The following ZDHHC9 variants were observed in gnomAD, a reference collection of about 807,000 sequenced individuals.
The protein encoded by ZDHHC9 is palmitoyltransferase ZDHHC9.
ZDHHC9 carries 3 observed loss-of-function variants against 26.6 expected under a neutral mutation model. The ratio of observed to expected loss-of-function variants is 0.11; its 90% CI spans 0.05 to 0.29. The LOEUF is 0.29. Among genes scored for constraint, ZDHHC9 ranks in the 10% least tolerant of loss-of-function variants. ZDHHC9 has a pLI of 1.00. For synonymous variants in ZDHHC9, 111 were observed against 109.4 expected (o/e 1.01, Z -0.09); for missense variants, 146 against 296.4 (o/e 0.49, Z 3.73).
At chrX:129,811,084 G>T in intron 9 of ZDHHC9, 83 bp from the exon 10 acceptor site, 1 of 853,761 alleles carries the variant, frequency 1.2e-6, no homozygotes, top group South Asian at 2.1e-5. Flanking sequence ...TGCATAGACT[G>T]GAAAATATAA....
In ZDHHC9 at chrX:129,843,783, C is replaced by T. The variant is rs1432856427; in HGVS notation, c.-291G>A. 9.1e-6 allele frequency: 1 copy of T among 109,569 alleles called. No individual in the cohort carries two copies. The highest frequency in any genetic ancestry group is 1.9e-5 in the Non-Finnish European group (1 of 52,393). 9.0% of individuals were successfully genotyped at this position (109,569 alleles called of 1,213,427 possible). ...TCACGTCGGCAGCCAAAGGTGGCAG[C>T]GACTTGTCCTCCCCGGGCCGGGAGG... On this transcript the variant is annotated 5_prime_UTR_variant, in exon 1 of 11. Coordinates refer to ENST00000357166, the MANE Select transcript of ZDHHC9 (RefSeq NM_016032.4).
chrX:129,825,643 G>A (rs1927999792), intron 4 of ZDHHC9, among the ~76,000 whole-genome samples: 2 of 111,169 alleles, frequency 1.8e-5, no homozygotes, highest in African/African-American at 3.3e-5. Flanking sequence ...ACAGAGAAAA[G>A]CTTAAATCTC....
At chrX:129,841,606 G>A (rs1928382681) in intron 3 of ZDHHC9, among the ~76,000 whole-genome samples, 173 bp downstream of exon 3, 1 of 111,851 alleles carries the variant, frequency 8.9e-6, no homozygotes. Context: ...TTTTTAGGAA[G>A]TACATACTCT....
In ZDHHC9 at chrX:129,806,453, G is replaced by A; in HGVS notation, c.1012C>T (p.Pro338Ser). 8.3e-7 allele frequency: 1 copy of A among 1,211,565 alleles called. No homozygotes were observed. Among genetic ancestry groups the A allele is most frequent in the African/African-American group, 1.7e-5 (1 of 57,748 alleles). ...TCTTCGGGAGTGCTGCTGTCCTCCG[G>A]CATCTCATTTGAGTTCAGGTGTTCT... Reference protein sequence around the residue: ...PTEHLNSNEMPEDSSTPEEMP... With the variant: ...PTEHLNSNEMSEDSSTPEEMP... Residue 338 changes from proline (P) to serine (S), a missense_variant, in exon 11 of 11, where the codon CCG becomes TCG. Physicochemically the swap from Pro to Ser is moderately conservative, Grantham distance 74. Around this residue, in one of 2 missense-constraint regions of ZDHHC9, gnomAD observed 46 missense variants for 46.4 expected, o/e 0.99. Transcript: ENST00000357166.
At chrX:129,820,006 A>G (rs1273492233) in intron 5 of ZDHHC9, among the ~76,000 whole-genome samples, 1 of 111,010 alleles carries the variant, frequency 9.0e-6, no homozygotes, top group Non-Finnish European at 1.9e-5. Context: ...TCTATAATTT[A>G]TTTGGCTACT....
chrX:129,809,988 C>CAA (rs55755290), intron 10 of ZDHHC9, among the ~76,000 whole-genome samples: 738 of 58,275 alleles, frequency 0.013, 11 homozygotes, highest in African/African-American at 0.023. Flanking sequence ...GACTCCGTCT[C>CAA]AAAAAAAAAA....
chrX:129,829,498 C>T (rs1440557562), intron 3 of ZDHHC9, among the ~76,000 whole-genome samples: 1 of 112,019 alleles, frequency 8.9e-6, no homozygotes, highest in Non-Finnish European at 1.9e-5. Context: ...TTCTAAGCAA[C>T]ACAGGTTGAT....
At chrX:129,834,209 G>A (rs1928209052) in intron 3 of ZDHHC9, among the ~76,000 whole-genome samples, 1 of 111,562 alleles carries the variant, frequency 9.0e-6, no homozygotes, top group Non-Finnish European at 1.9e-5. Flanking sequence ...CAAACCTGCA[G>A]GCATCTTGAT....
chrX:129,830,560 G>T (rs1225223393), intron 3 of ZDHHC9, among the ~76,000 whole-genome samples: 2 of 111,867 alleles, frequency 1.8e-5, no homozygotes, highest in Non-Finnish European at 3.8e-5. Flanking sequence ...TGTAAGGAGA[G>T]TTATCGCTGA....
intron 5 of ZDHHC9, among the ~76,000 whole-genome samples, chrX:129,821,296 C>CTTTTT (rs748605366): frequency 1.0e-5 from 1 of 99,390 alleles, no homozygotes; most frequent in African/African-American, 3.7e-5. Flanking sequence ...AGACCTTCTT[C>CTTTTT]TTTTTTTTTT....
intron 9 of ZDHHC9, 63 bp from the exon 10 acceptor site, chrX:129,811,064 G>A (rs761547154): frequency 1.2e-5 from 12 of 1,011,071 alleles, no homozygotes; most frequent in African/African-American, 3.8e-5. Flanking sequence ...CCTGGCCTAC[G>A]GAATTTTGCT....
rs1928444177 is a variant in ZDHHC9 at position 129,843,844 on chromosome X, G to A, written c.-352C>T. ...CTGACAAGGGGCCCCAGTGGTCGGG[G>A]CCCTAAACCAGCTGTGGCAACCGCC... On this transcript the variant is annotated 5_prime_UTR_variant, in exon 1 of 11. Transcript: ENST00000357166. 8.9e-6 allele frequency: 1 copy of A among 111,971 alleles called. No individual in the cohort carries two copies. The highest frequency in any genetic ancestry group is 1.9e-5 in the Non-Finnish European group (1 of 53,067). The allele number at this position is 111,971 out of a possible 1,213,427, so 9.2% of individuals were successfully genotyped here.
At chrX:129,832,713 G>A (rs1005468326) in intron 3 of ZDHHC9, among the ~76,000 whole-genome samples, 2 of 110,819 alleles carry the variant, frequency 1.8e-5, no homozygotes, top group African/African-American at 3.3e-5. Context: ...AACCCGGGAG[G>A]TGGAGCTTGC....
intron 3 of ZDHHC9, among the ~76,000 whole-genome samples, chrX:129,840,077 C>G (rs1413441407): frequency 3.6e-5 from 4 of 111,204 alleles, no homozygotes; most frequent in Non-Finnish European, 7.5e-5. Flanking sequence ...TCTTCAGAGG[C>G]CTGCAGGGGC....
chrX:129,823,596 C>T lies in ZDHHC9; in HGVS notation c.487+83G>A, dbSNP rs1191328565. The T allele has an allele frequency of 2.9e-5, 32 of 1,100,818 alleles. No individual in the cohort carries two copies. The Admixed American group carries it at 6.1e-4, about 21-fold the overall frequency. 90.7% of individuals were successfully genotyped at this position (1,100,818 alleles called of 1,213,427 possible). A position where few individuals can be genotyped will look rare whatever the true frequency, so the allele number is the denominator to read the frequency against. Reference sequence around the variant, plus strand: ...CATTTCTCATCTAAATCTATCTTCCCTCCTCCCAAAATTGGTGACCACCCT... The same window carrying T: ...CATTTCTCATCTAAATCTATCTTCCTTCCTCCCAAAATTGGTGACCACCCT... On this transcript the variant is annotated intron_variant, in intron 5 of 10. Coordinates refer to ENST00000357166, the MANE Select transcript of ZDHHC9 (RefSeq NM_016032.4).
intron 5 of ZDHHC9, among the ~76,000 whole-genome samples, chrX:129,815,598 T>G (rs540101322): frequency 1.6e-4 from 18 of 112,373 alleles, no homozygotes; most frequent in Middle Eastern, 4.6e-3. Flanking sequence ...TTGCATTTCC[T>G]TGGTGATCAA....
At chrX:129,820,037 G>A (rs1927847908) in intron 5 of ZDHHC9, among the ~76,000 whole-genome samples, 2 of 111,057 alleles carry the variant, frequency 1.8e-5, no homozygotes, top group Admixed American at 1.9e-4. Flanking sequence ...TAGACAATTA[G>A]GTTCTTTTCA....
At chrX:129,835,866 CT>C (rs754034066) in intron 3 of ZDHHC9, among the ~76,000 whole-genome samples, 19 of 112,634 alleles carry the variant, frequency 1.7e-4, no homozygotes, top group African/African-American at 5.8e-4. Flanking sequence ...GAAGAACTCT[CT>C]CTCAAGGAAC....
chrX:129,814,828 G>A (rs1927723465), intron 5 of ZDHHC9, 33 bp from the exon 6 acceptor site: 1 of 1,205,463 alleles, frequency 8.3e-7, no homozygotes, highest in African/African-American at 1.8e-5. Context: ...AAAGCCAAAA[G>A]CCTCCAGAAC....
Sources: allele counts gnomAD v4.1 joint callset (sites outside exome capture counted in the v4.1 genomes callset), GRCh38; gene constraint gnomAD v4.1.1; regional missense constraint gnomAD v4.1.1; transcripts MANE v1.5; gene names NCBI Gene and HGNC (gene_info 2026-07-23, HGNC 2026-07-21).